Variants in PCLO observed in about 807,000 individuals in gnomAD.
PCLO encodes the protein protein piccolo.
Under a neutral mutation model 427.5 loss-of-function variants are expected in PCLO, and 82 were observed. The ratio of observed to expected loss-of-function variants is 0.19; its 90% CI spans 0.16 to 0.23. The LOEUF (loss-of-function observed/expected upper bound fraction) is 0.23, where lower values mean the gene tolerates loss of function less well. PCLO is among the 10% of genes least tolerant of loss of function. The probability of loss-of-function intolerance (pLI) is 1.00; values close to 1 mark genes in which losing one functional copy is unlikely to be tolerated. For synonymous variants in PCLO, 2,357 were observed against 2,155.4 expected (o/e 1.09, Z -2.59); for missense variants, 6,239 against 6,115.9 (o/e 1.02, Z -0.67).
intron 3 of PCLO, among the ~76,000 whole-genome samples, chr7:83,038,132 TACAC>T (rs1240110974): frequency 1.6e-5 from 2 of 126,290 alleles, no homozygotes; most frequent in South Asian, 2.3e-4. Context: ...CACACACACA[TACAC>T]ACACTCATAT....
At position 83,121,672 on chromosome 7, in the gene PCLO, A is replaced by G. The variant is rs929957135; in HGVS notation, c.3300+12578T>C. On this transcript the variant is annotated intron_variant, in intron 3 of 24. Coordinates refer to ENST00000333891, the MANE Select transcript of PCLO (RefSeq NM_033026.6). ...ACACACATAGACTGAAAATAAATGG[A>G]TGGAAAAAGATATTTCATGCAAATG... Among the ~76,000 whole-genome samples, 17 of 109,746 alleles carry G rather than the reference A, an allele frequency of 1.5e-4. No individual in the cohort carries two copies. The South Asian group carries it at 4.1e-3, about 27-fold the overall frequency. 72.0% of individuals were successfully genotyped at this position (109,746 alleles called of 152,430 possible).
chr7:83,130,747 C>T lies in PCLO; in HGVS notation c.3300+3503G>A, dbSNP rs1239607040. Among the ~76,000 whole-genome samples the T allele has an allele frequency of 5.3e-5, 8 of 152,194 alleles. No individual in the cohort carries two copies. The East Asian group carries it at 1.5e-3, about 29-fold the overall frequency. On this transcript the variant is annotated intron_variant, in intron 3 of 24. Coordinates refer to ENST00000333891, the MANE Select transcript of PCLO (RefSeq NM_033026.6). ...ATGGAAAATGTGGAAGCCACCCAGG[C>T]AGACAGAGTAAAGATCTCAAAAAAT... is the stretch of plus-strand genomic sequence containing the variant.
Position 83,155,849 on chromosome 7 carries a change from A to C in PCLO, c.792T>G (p.Thr264=). The change falls in exon 2 of 25, where the codon ACT becomes ACG. Residue 264 remains threonine (T), a synonymous_variant. Coordinates refer to ENST00000333891, the MANE Select transcript of PCLO (RefSeq NM_033026.6). ...TGKPIQGPTQ[T]PQTDHAKLPL... The stretch of plus-strand genomic sequence containing the variant: ...GCAATTTTGCATGGTCTGTCTGAGG[A>C]GTCTGGGTAGGACCCTGAATTGGCT... 1 of 1,613,794 alleles carries C rather than the reference A, an allele frequency of 6.2e-7. No individual in the cohort carries two copies. The highest frequency in any genetic ancestry group is 8.5e-7 in the Non-Finnish European group (1 of 1,179,856).
chr7:83,107,284 A>T (rs1790881608), intron 3 of PCLO, among the ~76,000 whole-genome samples: 1 of 152,152 alleles, frequency 6.6e-6, no homozygotes, highest in Admixed American at 6.5e-5. Flanking sequence ...TACATTTTCT[A>T]TGTAGAATAT....
intron 6 of PCLO, among the ~76,000 whole-genome samples, chr7:82,934,673 T>C (rs1794911336): frequency 6.6e-6 from 1 of 151,682 alleles, no homozygotes; most frequent in South Asian, 2.1e-4. Flanking sequence ...AAAAATTATA[T>C]GGAATGTTAC....
At chr7:83,149,212 G>A (rs1283785033) in intron 2 of PCLO, among the ~76,000 whole-genome samples, 2 of 152,118 alleles carry the variant, frequency 1.3e-5, no homozygotes, top group Non-Finnish European at 2.9e-5. Flanking sequence ...TGTTCCTACT[G>A]CAGTTCTGAA....
intron 3 of PCLO, among the ~76,000 whole-genome samples, chr7:83,005,430 G>A (rs776034759): frequency 4.0e-5 from 6 of 151,632 alleles, no homozygotes; most frequent in Non-Finnish European, 7.4e-5. Flanking sequence ...AAAAGATGGG[G>A]AGAGGTTGGT....
At chr7:82,981,406 T>C (rs1017847214) in intron 3 of PCLO, among the ~76,000 whole-genome samples, 10 of 152,054 alleles carry the variant, frequency 6.6e-5, no homozygotes, top group Admixed American at 3.3e-4. Context: ...AACAGGATCA[T>C]TCAAAAAGTG....
At chr7:82,880,662 G>A (rs1793484434) in intron 9 of PCLO, among the ~76,000 whole-genome samples, 3 of 152,144 alleles carry the variant, frequency 2.0e-5, no homozygotes, top group Admixed American at 6.5e-5. Context: ...AGAGGCCAGG[G>A]ATGTTGCTAA....
chr7:82,823,113 G>C (rs369099211), intron 19 of PCLO, among the ~76,000 whole-genome samples: 22 of 152,272 alleles, frequency 1.4e-4, no homozygotes, highest in East Asian at 9.7e-4. Flanking sequence ...AACCATTGTA[G>C]AGAATGTATG....
At chr7:83,068,186 A>C (rs896365013) in intron 3 of PCLO, among the ~76,000 whole-genome samples, 1 of 152,188 alleles carries the variant, frequency 6.6e-6, no homozygotes, top group Admixed American at 6.6e-5. Flanking sequence ...AGGCTGAAAC[A>C]TAAGAGTTCT....
Position 82,915,233 on chromosome 7 carries a change from G to A in PCLO, c.12753C>T (p.Asp4251=), listed in dbSNP as rs1489544193. 3 of 1,613,300 alleles carry A rather than the reference G, an allele frequency of 1.9e-6. No homozygotes were observed. The highest frequency in any genetic ancestry group is 4.5e-5 in the East Asian group (2 of 44,706). The change falls in exon 7 of 25, where the codon GAC becomes GAT. Residue 4251 remains aspartate, a synonymous_variant. Coordinates refer to ENST00000333891, the MANE Select transcript of PCLO (RefSeq NM_033026.6). ...GAGAAGATCCCATAAATTTTTGTTG[G>A]TCTGTAATATTTTTTCTGAGGCCAA... ...ITFGLRKNIT[D]QQKFMGSSLG... is the part of the protein sequence containing the mutation.
In PCLO at chr7:82,956,271, A is replaced by T; in HGVS notation, c.4682T>A (p.Ile1561Lys). Residue 1561 changes from isoleucine to lysine, a missense_variant, in exon 5 of 25, where the codon ATA becomes AAA. This residue lies in a region of PCLO where 4,677 missense variants were observed against 4,468.4 expected (regional missense o/e 1.05). Transcript: ENST00000333891. ...AGCATCTTCATCAGCACTCATTTCTATGATTTGTTTTCGAATGAAGTCCTC... is the reference window on the plus strand; with the variant it reads ...AGCATCTTCATCAGCACTCATTTCTTTGATTTGTTTTCGAATGAAGTCCTC... The part of the protein sequence containing the change: ...EEEDFIRKQI[I>K]EMSADEDASG... The T allele has an allele frequency of 1.9e-6, 3 of 1,612,280 alleles. No individual in the cohort carries two copies. Among genetic ancestry groups the T allele is most frequent in the Non-Finnish European group, 2.5e-6 (3 of 1,179,836 alleles).
rs368140665 is a variant in PCLO at position 82,797,570 on chromosome 7, T to A, written c.15007+3948A>T. Among the ~76,000 whole-genome samples the A allele has an allele frequency of 4.8e-4, 73 of 152,268 alleles. 1 individual carries two copies. The highest frequency in any genetic ancestry group is 1.6e-3 in the African/African-American group (66 of 41,570). ...TCAATCCTGAATAATGATCATTTCT[T>A]TGGATGGGATCAAAATGACTCTCAC... On this transcript the variant is annotated intron_variant, in intron 22 of 24. Coordinates refer to ENST00000333891, the MANE Select transcript of PCLO (RefSeq NM_033026.6).
chr7:83,042,780 T>C (rs537472282), intron 3 of PCLO, among the ~76,000 whole-genome samples: 1 of 152,246 alleles, frequency 6.6e-6, no homozygotes, highest in East Asian at 1.9e-4. Flanking sequence ...GAGAATTGCT[T>C]GAACCCGGGA....
At chr7:82,850,302 C>A (rs938972515) in intron 10 of PCLO, among the ~76,000 whole-genome samples, 2 of 152,092 alleles carry the variant, frequency 1.3e-5, no homozygotes, top group African/African-American at 2.4e-5. Flanking sequence ...AGCCACCATG[C>A]CTGGCCTTTA....
At chr7:83,035,886 T>G (rs181686778) in intron 3 of PCLO, among the ~76,000 whole-genome samples, 7 of 152,316 alleles carry the variant, frequency 4.6e-5, no homozygotes, top group Non-Finnish European at 8.8e-5. Flanking sequence ...GCCCCGTTTT[T>G]ATTACACTAC....
chr7:83,028,513 G>A (rs1421614794), intron 3 of PCLO, among the ~76,000 whole-genome samples: 25 of 121,194 alleles, frequency 2.1e-4, no homozygotes, highest in African/African-American at 5.7e-4. Context: ...AATCAATATC[G>A]TGAAAATGGC....
rs1338348015 is a variant in PCLO at position 82,754,421 on chromosome 7, T to C, written c.*4154A>G. 2.6e-5 allele frequency: 4 copies of C among 152,160 alleles called. No individual in the cohort carries two copies. The highest frequency in any genetic ancestry group is 9.6e-5 in the African/African-American group (4 of 41,456). 9.4% of individuals were successfully genotyped at this position (152,160 alleles called of 1,614,324 possible). A position where few individuals can be genotyped will look rare whatever the true frequency, so the allele number is the denominator to read the frequency against. On this transcript the variant is annotated 3_prime_UTR_variant, in exon 25 of 25. Transcript: ENST00000333891. ...CAAGAAAATTTTTTCTTAAACCTCATATGTGTTTTTAGGATATTAGCACAC... is the reference window on the plus strand; with the variant it reads ...CAAGAAAATTTTTTCTTAAACCTCACATGTGTTTTTAGGATATTAGCACAC...
Sources: gnomAD v4.1 joint callset for allele counts (sites outside exome capture counted in the v4.1 genomes callset) on GRCh38, gnomAD v4.1.1 for gene constraint, gnomAD v4.1.1 regional missense constraint, MANE v1.5 for transcripts, NCBI Gene and HGNC (gene_info 2026-07-23, HGNC 2026-07-21) for gene names.